The following TSHZ2 variants were observed in gnomAD, a reference collection of about 807,000 sequenced individuals.
TSHZ2 encodes the protein teashirt zinc finger homeobox 2, also known as teashirt homolog 2.
In TSHZ2, 21 loss-of-function variants were observed where a neutral mutation model predicts 74.4. That is an observed-to-expected ratio of 0.28 (90% CI 0.20 to 0.41). TSHZ2 has a LOEUF of 0.41. Ranked by LOEUF, TSHZ2 falls within the 10% of genes least tolerant of loss-of-function variation. TSHZ2 has a pLI of 1.00. For synonymous variants in TSHZ2, 540 were observed against 515.3 expected (o/e 1.05, Z -0.65); for missense variants, 1,244 against 1,293.5 (o/e 0.96, Z 0.59).
chr20:53,394,761 C>CAAAAAAAAAAAAAAAAA lies in TSHZ2; in HGVS notation c.*9-92380_*9-92364dup, dbSNP rs3042185. The stretch of plus-strand genomic sequence containing the variant: ...GCAAACATCACTAATCAATCTGTCT[C>CAAAAAAAAAAAAAAAAA]AAAAAAAAAAAAAAAAAAACTGTTC... On this transcript the variant is annotated intron_variant, in intron 2 of 2. Transcript: ENST00000371497. Among the ~76,000 whole-genome samples the CAAAAAAAAAAAAAAAAA allele has an allele frequency of 1.2e-3, 89 of 72,348 alleles. 7 individuals carry two copies. Among genetic ancestry groups the CAAAAAAAAAAAAAAAAA allele is most frequent in the African/African-American group, 4.6e-3 (86 of 18,630 alleles). 47.5% of individuals were successfully genotyped at this position (72,348 alleles called of 152,430 possible).
intron 1 of TSHZ2, among the ~76,000 whole-genome samples, chr20:53,197,717 G>C (rs576696475): frequency 1.3e-5 from 2 of 152,192 alleles, no homozygotes; most frequent in East Asian, 3.8e-4. Context: ...GCTGTTGCAG[G>C]CATGGCTGCT....
chr20:53,363,787 T>A (rs1392849482), intron 2 of TSHZ2, among the ~76,000 whole-genome samples: 3 of 152,222 alleles, frequency 2.0e-5, no homozygotes, highest in Non-Finnish European at 4.4e-5. Context: ...TGCTCCAGCC[T>A]GAGTAACAAG....
chr20:53,159,915 A>C (rs1353720883), intron 1 of TSHZ2, among the ~76,000 whole-genome samples: 1 of 152,230 alleles, frequency 6.6e-6, no homozygotes, highest in Non-Finnish European at 1.5e-5. Context: ...GGTGATAGAC[A>C]CAGTTGTTAG....
intron 2 of TSHZ2, among the ~76,000 whole-genome samples, chr20:53,310,096 G>T (rs912571078): frequency 2.6e-5 from 4 of 152,174 alleles, no homozygotes; most frequent in African/African-American, 9.7e-5. Flanking sequence ...TAAAGAACAT[G>T]CTTTGAAATA....
chr20:53,291,677 C>T (rs1228211102), intron 2 of TSHZ2, among the ~76,000 whole-genome samples: 1 of 151,796 alleles, frequency 6.6e-6, no homozygotes, highest in African/African-American at 2.4e-5. Context: ...CTGGTGGGAC[C>T]ACTCTTGCAC....
In TSHZ2 at chr20:53,340,173, C is replaced by CTTTTTTTTTTTTTTTTTTT. The variant is rs1285149762; in HGVS notation, c.*8+83605_*8+83606insTTTTTTTTTTTTTTTTTTT. ...GCTAGGATAAAACAAGGTGACTTTT[C>CTTTTTTTTTTTTTTTTTTT]TTTCTTTTTTCTTTTTTTTTTTTTT... On this transcript the variant is annotated intron_variant, in intron 2 of 2. Transcript: ENST00000371497. Among the ~76,000 whole-genome samples the CTTTTTTTTTTTTTTTTTTT allele has an allele frequency of 1.6e-4, 10 of 62,116 alleles. 1 individual carries two copies. The highest frequency in any genetic ancestry group is 7.9e-4 in the African/African-American group (10 of 12,608). The allele number at this position is 62,116 out of a possible 152,430, so 40.8% of individuals were successfully genotyped here.
chr20:53,185,788 T>G (rs1988584277), intron 1 of TSHZ2: 1 of 1,309,100 alleles, frequency 7.6e-7, no homozygotes, highest in Non-Finnish European at 1.1e-6. Context: ...TGAACACTAA[T>G]TAATAATCCC....
At chr20:53,449,582 G>A (rs1471953902) in intron 2 of TSHZ2, among the ~76,000 whole-genome samples, 2 of 152,146 alleles carry the variant, frequency 1.3e-5, no homozygotes, top group African/African-American at 4.8e-5. Context: ...GCAATGTGTT[G>A]GTTAAATGAA....
chr20:53,252,352 G>A (rs989676831), intron 1 of TSHZ2, among the ~76,000 whole-genome samples: 1 of 152,218 alleles, frequency 6.6e-6, no homozygotes, highest in Non-Finnish European at 1.5e-5. Flanking sequence ...AGAGAGAGGA[G>A]ACAGAAGTTC....
chr20:53,444,398 G>A (rs1008966029), intron 2 of TSHZ2, among the ~76,000 whole-genome samples: 3 of 152,094 alleles, frequency 2.0e-5, no homozygotes, highest in Non-Finnish European at 4.4e-5. Flanking sequence ...GGTGAGTGCC[G>A]GGGACAGGGG....
intron 1 of TSHZ2, among the ~76,000 whole-genome samples, chr20:53,013,490 T>C (rs1390024727): frequency 6.6e-6 from 1 of 152,222 alleles, no homozygotes; most frequent in Admixed American, 6.5e-5. Flanking sequence ...GTCCTCAGCA[T>C]AGGTTAACTT....
chr20:53,316,792 T>A (rs181709899), intron 2 of TSHZ2, among the ~76,000 whole-genome samples: 10 of 152,340 alleles, frequency 6.6e-5, no homozygotes, highest in African/African-American at 2.4e-4. Flanking sequence ...AGGCTGACAC[T>A]ATTTACTATC....
chr20:53,031,837 T>C (rs1201118833), intron 1 of TSHZ2, among the ~76,000 whole-genome samples: 1 of 152,080 alleles, frequency 6.6e-6, no homozygotes, highest in African/African-American at 2.4e-5. Context: ...TGTTTTGTCT[T>C]CATTTCTGAA....
chr20:53,263,947 G>C (rs1017372528), intron 2 of TSHZ2, among the ~76,000 whole-genome samples: 1 of 152,186 alleles, frequency 6.6e-6, no homozygotes, highest in Non-Finnish European at 1.5e-5. Context: ...GGACTTGGCC[G>C]GGAGGGTTCC....
chr20:53,169,636 T>C (rs915400273), intron 1 of TSHZ2, among the ~76,000 whole-genome samples: 1 of 152,222 alleles, frequency 6.6e-6, no homozygotes, highest in African/African-American at 2.4e-5. Context: ...CACTGAACTG[T>C]GCATATATGT....
At chr20:52,999,920 A>G (rs1600638460) in intron 1 of TSHZ2, among the ~76,000 whole-genome samples, 1 of 152,180 alleles carries the variant, frequency 6.6e-6, no homozygotes, top group East Asian at 1.9e-4. Flanking sequence ...TGGTTAACCA[A>G]CCCCACTAAG....
intron 2 of TSHZ2, among the ~76,000 whole-genome samples, chr20:53,452,861 T>G (rs1317531717): frequency 2.0e-5 from 3 of 152,232 alleles, no homozygotes; most frequent in Non-Finnish European, 4.4e-5. Flanking sequence ...TAGTGTTGTA[T>G]TGCTGTTAGA....
At chr20:53,372,785 C>T (rs1268183943) in intron 2 of TSHZ2, among the ~76,000 whole-genome samples, 3 of 152,164 alleles carry the variant, frequency 2.0e-5, no homozygotes, top group Non-Finnish European at 2.9e-5. Context: ...TTTATTTCTT[C>T]TGATATTTTT....
At chr20:53,467,623 C>G (rs78949006) in intron 2 of TSHZ2, among the ~76,000 whole-genome samples, 11,353 of 152,176 alleles carry the variant, frequency 0.075, 522 homozygotes, top group South Asian at 0.23. Context: ...AGTTATGTCC[C>G]CCAATATCAC....
Sources: allele counts gnomAD v4.1 joint callset (sites outside exome capture counted in the v4.1 genomes callset), GRCh38; gene constraint gnomAD v4.1.1; transcripts MANE v1.5; gene names NCBI Gene and HGNC (gene_info 2026-07-23, HGNC 2026-07-21).